The following CERS6 variants were observed in gnomAD, a reference collection of about 807,000 sequenced individuals.
The protein encoded by CERS6 is LAG1 homolog, ceramide synthase 6.
Under a neutral mutation model 56.8 loss-of-function variants are expected in CERS6, and 26 were observed. The ratio of observed to expected loss-of-function variants is 0.46; its 90% CI spans 0.34 to 0.63. The LOEUF is 0.63. Among genes scored for constraint, CERS6 ranks in the 30% least tolerant of loss-of-function variants. The pLI is 0.01. For missense variants in CERS6, 415 were observed against 467.5 expected (o/e 0.89, Z 1.04); for synonymous variants, 164 against 173.3 (o/e 0.95, Z 0.42).
chr2:168,684,157 ACTCTT>A (rs963380144), intron 4 of CERS6, among the ~76,000 whole-genome samples: 71 of 152,106 alleles, frequency 4.7e-4, no homozygotes, highest in Non-Finnish European at 6.6e-4. Context: ...AATATGAAGG[ACTCTT>A]TATGTAATGC....
intron 8 of CERS6, among the ~76,000 whole-genome samples, chr2:168,718,618 A>G (rs1687285192): frequency 6.6e-6 from 1 of 152,188 alleles, no homozygotes; most frequent in Non-Finnish European, 1.5e-5. Context: ...TTACTTGGCA[A>G]ATAGATGCTT....
chr2:168,640,108 T>C (rs1016711152), intron 4 of CERS6, among the ~76,000 whole-genome samples: 1 of 152,140 alleles, frequency 6.6e-6, no homozygotes, highest in African/African-American at 2.4e-5. Flanking sequence ...TCTATATTGA[T>C]AGAGGTAGTT....
intron 8 of CERS6, among the ~76,000 whole-genome samples, chr2:168,724,118 G>A (rs1017312924): frequency 1.3e-5 from 2 of 152,104 alleles, no homozygotes; most frequent in Non-Finnish European, 2.9e-5. Context: ...TGTCCCTTCT[G>A]ATGTTTGGAT....
chr2:168,460,398 T>C (rs1198721634), intron 1 of CERS6, among the ~76,000 whole-genome samples: 3 of 152,064 alleles, frequency 2.0e-5, no homozygotes, highest in Admixed American at 2.0e-4. Flanking sequence ...GGTCTCCCTG[T>C]GTTTCCCAGG....
chr2:168,579,836 C>T (rs978609289), intron 3 of CERS6, among the ~76,000 whole-genome samples: 1 of 152,154 alleles, frequency 6.6e-6, no homozygotes. Flanking sequence ...TCAAGGTGCT[C>T]TCTGCTTGCT....
At chr2:168,518,390 A>G (rs1694920641) in intron 1 of CERS6, among the ~76,000 whole-genome samples, 1 of 152,234 alleles carries the variant, frequency 6.6e-6, no homozygotes, top group Non-Finnish European at 1.5e-5. Context: ...ACCCAAGCAT[A>G]GGAAAATAGC....
intron 6 of CERS6, among the ~76,000 whole-genome samples, chr2:168,699,831 G>T (rs1384463932): frequency 1.3e-5 from 2 of 152,152 alleles, no homozygotes; most frequent in African/African-American, 4.8e-5. Flanking sequence ...TGTTAAAATT[G>T]TATCCTTTAG....
chr2:168,679,197 T>C (rs1686147211), intron 4 of CERS6, among the ~76,000 whole-genome samples: 2 of 152,256 alleles, frequency 1.3e-5, no homozygotes, highest in Admixed American at 6.5e-5. Flanking sequence ...GGGGAGACGT[T>C]TGTCAACAAG....
intron 8 of CERS6, among the ~76,000 whole-genome samples, chr2:168,731,520 CT>C (rs1222090500): frequency 6.6e-6 from 1 of 151,912 alleles, no homozygotes; most frequent in African/African-American, 2.4e-5. Flanking sequence ...GGTATTTTAT[CT>C]TTTGTATGCT....
At chr2:168,594,898 G>T (rs779883393) in intron 3 of CERS6, among the ~76,000 whole-genome samples, 6 of 152,166 alleles carry the variant, frequency 3.9e-5, no homozygotes, top group Admixed American at 2.0e-4. Context: ...GACTGCCTGT[G>T]TATTCGGGCT....
chr2:168,615,068 A>G (rs993106664), intron 3 of CERS6, among the ~76,000 whole-genome samples: 1 of 152,156 alleles, frequency 6.6e-6, no homozygotes, highest in Admixed American at 6.5e-5. Flanking sequence ...CCCCAGCACC[A>G]GCCCAGAGCC....
chr2:168,565,921 G>A (rs1325299871), intron 3 of CERS6, among the ~76,000 whole-genome samples: 1 of 152,148 alleles, frequency 6.6e-6, no homozygotes, highest in African/African-American at 2.4e-5. Context: ...AGCAGGTGCC[G>A]GTTGGGATTA....
chr2:168,599,686 A>G (rs1408466216), intron 3 of CERS6, among the ~76,000 whole-genome samples: 1 of 152,222 alleles, frequency 6.6e-6, no homozygotes, highest in African/African-American at 2.4e-5. Flanking sequence ...TTGGTTTTAT[A>G]TATGCTTGAG....
intron 1 of CERS6, among the ~76,000 whole-genome samples, chr2:168,495,286 C>T (rs891599038): frequency 5.9e-5 from 9 of 152,158 alleles, no homozygotes; most frequent in African/African-American, 2.2e-4. Context: ...TCTATTCTAC[C>T]ATTCTCCGCT....
intron 3 of CERS6, among the ~76,000 whole-genome samples, chr2:168,600,679 G>A (rs1157863195): frequency 2.6e-5 from 4 of 152,146 alleles, no homozygotes; most frequent in Non-Finnish European, 5.9e-5. Context: ...GTTTTCCTGA[G>A]TTGTGGTTAT....
chr2:168,692,951 C>T (rs1686543151), intron 5 of CERS6, among the ~76,000 whole-genome samples: 1 of 151,912 alleles, frequency 6.6e-6, no homozygotes, highest in African/African-American at 2.4e-5. Flanking sequence ...AATTGATAAT[C>T]GAACAGACAT....
intron 4 of CERS6, among the ~76,000 whole-genome samples, chr2:168,676,586 TTGAAGTGAAAGACTCTG>T (rs1686065586): frequency 6.6e-6 from 1 of 152,242 alleles, no homozygotes; most frequent in South Asian, 2.1e-4. Flanking sequence ...TTTGATTTTC[TTGAAGTGAAAGACTCTG>T]TCCATTTTTG....
chr2:168,515,910 G>A (rs931406658), intron 1 of CERS6, among the ~76,000 whole-genome samples: 2 of 152,124 alleles, frequency 1.3e-5, no homozygotes, highest in African/African-American at 2.4e-5. Flanking sequence ...ACTGTCCCTT[G>A]CAGTATAAAA....
intron 3 of CERS6, among the ~76,000 whole-genome samples, chr2:168,599,832 G>C (rs1683889818): frequency 6.6e-6 from 1 of 152,186 alleles, no homozygotes; most frequent in Non-Finnish European, 1.5e-5. Flanking sequence ...AATATAAAGA[G>C]GAAGTAGGGC....
Sources: gnomAD v4.1 joint callset for allele counts (sites outside exome capture counted in the v4.1 genomes callset) on GRCh38, gnomAD v4.1.1 for gene constraint, MANE v1.5 for transcripts, NCBI Gene and HGNC (gene_info 2026-07-23, HGNC 2026-07-21) for gene names.